The following ADGRL2 variants were observed in gnomAD, a reference collection of about 807,000 sequenced individuals.
ADGRL2 encodes calcium-independent alpha-latrotoxin receptor 2.
A neutral mutation model predicts 157.4 loss-of-function variants in ADGRL2; 44 were observed. The ratio of observed to expected loss-of-function variants is 0.28; its 90% CI spans 0.22 to 0.36. The LOEUF is 0.36. Among genes scored for constraint, ADGRL2 ranks in the 10% least tolerant of loss-of-function variants. The pLI is 1.00. For missense variants in ADGRL2, 1,510 were observed against 1,768.9 expected (o/e 0.85, Z 2.63); for synonymous variants, 585 against 624.7 (o/e 0.94, Z 0.95).
chr1:81,400,427 T>G (rs4561073), intron 1 of ADGRL2, among the ~76,000 whole-genome samples: 105,290 of 151,938 alleles, frequency 0.69, 36,839 homozygotes, highest in East Asian at 0.94. Flanking sequence ...AGAAGCTCAG[T>G]CCCTGGAAGC....
intron 3 of ADGRL2, among the ~76,000 whole-genome samples, chr1:81,653,505 T>C (rs1281955884): frequency 1.3e-5 from 2 of 152,130 alleles, no homozygotes; most frequent in Non-Finnish European, 2.9e-5. Flanking sequence ...GATCATTTTC[T>C]TCAGTGAAAT....
intron 2 of ADGRL2, among the ~76,000 whole-genome samples, chr1:81,526,830 T>C (rs757862232): frequency 1.3e-5 from 2 of 152,266 alleles, no homozygotes; most frequent in Admixed American, 6.5e-5. Flanking sequence ...TTTTTGTCTG[T>C]TTGTTATTAC....
intron 3 of ADGRL2, among the ~76,000 whole-genome samples, chr1:81,624,924 A>C (rs2081878940): frequency 6.6e-6 from 1 of 152,214 alleles, no homozygotes; most frequent in African/African-American, 2.4e-5. Flanking sequence ...TTAAGCTTAT[A>C]CTTTGTCTAG....
chr1:81,388,798 G>A (rs1570805337), intron 1 of ADGRL2, among the ~76,000 whole-genome samples: 1 of 152,168 alleles, frequency 6.6e-6, no homozygotes, highest in Non-Finnish European at 1.5e-5. Flanking sequence ...ATTTTTCAAT[G>A]CATCCCAAAT....
rs781730195 is a variant in ADGRL2 at position 81,943,448 on chromosome 1, C to A, written c.889C>A (p.Pro297Thr). Reference protein sequence around the residue: ...NGMIVISQLNPYTLRFEATWE... With the variant: ...NGMIVISQLNTYTLRFEATWE... Reference sequence around the variant, plus strand: ...AATGATAGTTATTAGCCAGCTGAATCCATACACTCTTCGATTTGAAGCAAC... The same window carrying A: ...AATGATAGTTATTAGCCAGCTGAATACATACACTCTTCGATTTGAAGCAAC... Residue 297 changes from proline (P) to threonine (T), a missense_variant, in exon 6 of 24, where the codon CCA (proline) becomes ACA (threonine). Physicochemically the swap from Pro to Thr is conservative, Grantham distance 38 (BLOSUM62 -1). Transcript: ENST00000686636. The surrounding 1 kb of genome is among the most constrained non-coding windows in gnomAD (Gnocchi z 5.6). 6.2e-7 allele frequency: 1 copy of A among 1,613,692 alleles called. No individual in the cohort carries two copies. Among genetic ancestry groups the A allele is most frequent in the Non-Finnish European group, 8.5e-7 (1 of 1,179,748 alleles).
At chr1:81,547,453 A>G (rs571135585) in intron 2 of ADGRL2, among the ~76,000 whole-genome samples, 2 of 152,242 alleles carry the variant, frequency 1.3e-5, no homozygotes, top group East Asian at 3.9e-4. Context: ...AGCTGGAGCA[A>G]TGTTCTCCTA....
At chr1:81,976,099 A>AT (rs1295182945) in intron 17 of ADGRL2, among the ~76,000 whole-genome samples, 1 of 151,984 alleles carries the variant, frequency 6.6e-6, no homozygotes, top group Non-Finnish European at 1.5e-5. Flanking sequence ...AAGATATTTT[A>AT]TTGTCATATA....
chr1:81,603,941 A>T (rs1257436262), intron 3 of ADGRL2, among the ~76,000 whole-genome samples: 1 of 151,188 alleles, frequency 6.6e-6, no homozygotes, highest in Non-Finnish European at 1.5e-5. Flanking sequence ...TTTTCACTAG[A>T]TCATAAGAGC....
At chr1:81,981,051 G>A (rs1350754993) in intron 18 of ADGRL2, 2 of 426,216 alleles carry the variant, frequency 4.7e-6, no homozygotes, top group Non-Finnish European at 8.8e-6. Flanking sequence ...ATATATAAAT[G>A]CTTTCTTATT....
chr1:81,496,096 C>T (rs756114133), intron 2 of ADGRL2, among the ~76,000 whole-genome samples: 10 of 152,058 alleles, frequency 6.6e-5, no homozygotes, highest in Non-Finnish European at 8.8e-5. Context: ...CTAGGTAATG[C>T]CATCATTGAT....
chr1:81,436,444 A>AT (rs892695722), intron 1 of ADGRL2, among the ~76,000 whole-genome samples: 34 of 151,570 alleles, frequency 2.2e-4, no homozygotes, highest in Non-Finnish European at 2.4e-4. Context: ...CATTTGAACT[A>AT]TTTTTTTTCC....
intron 2 of ADGRL2, among the ~76,000 whole-genome samples, chr1:81,844,177 G>C (rs1456492411): frequency 6.6e-6 from 1 of 152,050 alleles, no homozygotes; most frequent in Non-Finnish European, 1.5e-5. Context: ...ATGCATACTA[G>C]AGTAAATTTT....
intron 2 of ADGRL2, among the ~76,000 whole-genome samples, chr1:81,900,417 A>G (rs2094465016): frequency 6.6e-6 from 1 of 152,196 alleles, no homozygotes; most frequent in Admixed American, 6.5e-5. Context: ...AAGTTTCATC[A>G]GGGCAAGATT....
At chr1:81,357,356 C>A (rs1570713774) in intron 1 of ADGRL2, among the ~76,000 whole-genome samples, 1 of 152,118 alleles carries the variant, frequency 6.6e-6, no homozygotes, top group African/African-American at 2.4e-5. Flanking sequence ...CACCAGCCTC[C>A]CCCAACCTGT....
At chr1:81,599,589 G>C (rs2081298636) in intron 3 of ADGRL2, among the ~76,000 whole-genome samples, 1 of 152,030 alleles carries the variant, frequency 6.6e-6, no homozygotes, top group Non-Finnish European at 1.5e-5. Context: ...CAGTGATAAT[G>C]GAATTAGAAT....
chr1:81,658,409 T>TA (rs1232293158), intron 3 of ADGRL2, among the ~76,000 whole-genome samples: 1 of 152,156 alleles, frequency 6.6e-6, no homozygotes, highest in Non-Finnish European at 1.5e-5. Context: ...TGTCTCTTTT[T>TA]AAAAAATGGT....
intron 2 of ADGRL2, among the ~76,000 whole-genome samples, chr1:81,786,661 T>C (rs1432615732): frequency 1.3e-5 from 2 of 152,244 alleles, no homozygotes; most frequent in Non-Finnish European, 2.9e-5. Flanking sequence ...ATATTCTTCT[T>C]TGAAAAGTAT....
intron 1 of ADGRL2, chr1:81,722,052 G>A: frequency 2.5e-6 from 1 of 402,658 alleles, no homozygotes; most frequent in Non-Finnish European, 4.7e-6. Context: ...CAGCACTTTG[G>A]GAGGCCGAGG....
chr1:81,545,369 C>T (rs1305525042), intron 2 of ADGRL2, among the ~76,000 whole-genome samples: 1 of 151,608 alleles, frequency 6.6e-6, no homozygotes, highest in Non-Finnish European at 1.5e-5. Context: ...TGTCTGCAAC[C>T]TCCGCCTCCC....
Sources: gnomAD v4.1 joint callset for allele counts (sites outside exome capture counted in the v4.1 genomes callset) on GRCh38, gnomAD v4.1.1 for gene constraint, Gnocchi (gnomAD v3.1) non-coding constraint, MANE v1.5 for transcripts, NCBI Gene and HGNC (gene_info 2026-07-23, HGNC 2026-07-21) for gene names.